Variants in CC2D2B observed in about 807,000 individuals in gnomAD.
The protein encoded by CC2D2B is protein CC2D2B.
Under a neutral mutation model 161.2 loss-of-function variants are expected in CC2D2B, and 128 were observed. That is an observed-to-expected ratio of 0.79 (90% CI 0.69 to 0.92). The LOEUF is 0.92. CC2D2B is among the 40% of genes least tolerant of loss of function. The pLI is 0.00. For synonymous variants in CC2D2B, 391 were observed against 449.8 expected, an observed-to-expected ratio of 0.87 and a Z score of 1.65; for missense variants, 1,173 against 1,375.1, an observed-to-expected ratio of 0.85 and a Z score of 2.32.
Position 96,019,263 on chromosome 10 carries a change from A to G in CC2D2B, c.3691A>G (p.Thr1231Ala). Residue 1231 changes from threonine (T) to alanine (A), a missense_variant, in exon 31 of 35, where the codon ACT becomes GCT. Around this residue, in one of 3 missense-constraint regions of CC2D2B, gnomAD observed 598 missense variants for 693.2 expected, o/e 0.86. Transcript: ENST00000646931. ...TGAATATTTGCTTTGGAATCCATCA[A>G]CTGGCCAATGTTATAAGCAGTTTGA... Reference protein sequence around the residue: ...TNEYLLWNPSTGQCYKQFDPF... With the variant: ...TNEYLLWNPSAGQCYKQFDPF... The G allele has an allele frequency of 6.2e-7, 1 of 1,613,186 alleles. No homozygotes were observed. The highest frequency in any genetic ancestry group is 1.1e-5 in the South Asian group (1 of 90,962).
chr10:95,943,458 CTT>C (rs2076091824), intron 9 of CC2D2B, among the ~76,000 whole-genome samples: 1 of 152,130 alleles, frequency 6.6e-6, no homozygotes, highest in Non-Finnish European at 1.5e-5. Context: ...TGCTCTGCCT[CTT>C]TTAATATAGG....
At chr10:96,006,296 A>G (rs1032626131) in intron 25 of CC2D2B, among the ~76,000 whole-genome samples, 1 of 149,350 alleles carries the variant, frequency 6.7e-6, no homozygotes, top group Non-Finnish European at 1.5e-5. Flanking sequence ...TATGTATTTT[A>G]TATTTAGTGA....
chr10:95,947,832 G>A (rs2076276315), intron 9 of CC2D2B, among the ~76,000 whole-genome samples: 1 of 152,012 alleles, frequency 6.6e-6, no homozygotes, highest in Admixed American at 6.6e-5. Flanking sequence ...AGAAATTTAA[G>A]GACAATCTGG....
chr10:95,917,316 C>T (rs1002506421), intron 2 of CC2D2B, among the ~76,000 whole-genome samples: 3 of 151,800 alleles, frequency 2.0e-5, no homozygotes, highest in Non-Finnish European at 4.4e-5. Context: ...TTTTTTTATC[C>T]GTTCAGCCAC....
chr10:95,941,437 C>T (rs1266279919), intron 9 of CC2D2B, among the ~76,000 whole-genome samples: 1 of 151,902 alleles, frequency 6.6e-6, no homozygotes, highest in African/African-American at 2.4e-5. Context: ...ATTTGCAAAC[C>T]ATATATCTGA....
chr10:96,011,741 G>A (rs28369148), intron 26 of CC2D2B, among the ~76,000 whole-genome samples: 20 of 127,218 alleles, frequency 1.6e-4, no homozygotes, highest in African/African-American at 2.8e-4. Context: ...TTACACACAC[G>A]CACACACACA....
chr10:95,927,418 G>A (rs1370905608), intron 6 of CC2D2B, 86 bp downstream of exon 6: 9 of 725,214 alleles, frequency 1.2e-5, no homozygotes, highest in East Asian at 5.5e-5. Context: ...ATACTTGGAC[G>A]GGAGATAAAG....
chr10:95,947,698 C>T (rs1053831144), intron 9 of CC2D2B, among the ~76,000 whole-genome samples: 12 of 151,686 alleles, frequency 7.9e-5, no homozygotes, highest in East Asian at 1.9e-4. Context: ...GCTGAGATCA[C>T]GCTACTGCAC....
chr10:96,002,514 T>C (rs988191351), intron 24 of CC2D2B, among the ~76,000 whole-genome samples: 1 of 152,184 alleles, frequency 6.6e-6, no homozygotes, highest in South Asian at 2.1e-4. Context: ...GTCAGGAATA[T>C]ACTAAGTTAA....
chr10:96,027,214 T>C lies in CC2D2B; in HGVS notation c.3950T>C (p.Ile1317Thr). ...TTACCTTTGGATTCTTACCTTAGGA[T>C]CGAAAGGACTCTGAAGAGTAAAGTG... is the stretch of plus-strand genomic sequence containing the variant. ...KSMVEDLRNR[I>T]ERTLKSKVME... The change falls in exon 34 of 35, where the codon ATC becomes ACC. Residue 1317 changes from isoleucine to threonine, a missense_variant and splice_region_variant. By Grantham distance (89) the Ile-to-Thr change is moderately conservative. Coordinates refer to ENST00000646931, the MANE Select transcript of CC2D2B (RefSeq NM_001349008.3). 1.3e-6 allele frequency: 2 copies of C among 1,523,624 alleles called. No homozygotes were observed. The highest frequency in any genetic ancestry group is 1.8e-6 in the Non-Finnish European group (2 of 1,132,800). The allele number at this position is 1,523,624 out of a possible 1,614,324, so 94.4% of individuals were successfully genotyped here.
At chr10:95,989,536 G>A (rs1000790593) in intron 20 of CC2D2B, among the ~76,000 whole-genome samples, 1 of 152,084 alleles carries the variant, frequency 6.6e-6, no homozygotes, top group Non-Finnish European at 1.5e-5. Context: ...TGTGGTCTCG[G>A]GAAATAAAGA....
intron 32 of CC2D2B, 150 bp from the exon 33 acceptor site, chr10:96,024,703 T>C: frequency 2.2e-6 from 1 of 455,704 alleles, no homozygotes; most frequent in Non-Finnish European, 4.1e-6. Flanking sequence ...TAAAAGAAAA[T>C]GCTGTGGTCT....
chr10:96,015,420 T>A (rs934078802), intron 29 of CC2D2B, among the ~76,000 whole-genome samples: 1 of 151,776 alleles, frequency 6.6e-6, no homozygotes, highest in Non-Finnish European at 1.5e-5. Flanking sequence ...AGCAACAGAT[T>A]GTTGCCATCT....
At chr10:95,951,262 A>T (rs1330600931) in intron 10 of CC2D2B, among the ~76,000 whole-genome samples, 1 of 151,776 alleles carries the variant, frequency 6.6e-6, no homozygotes, top group Non-Finnish European at 1.5e-5. Context: ...CTGTCCTCCC[A>T]CTTCAGCCTC....
intron 25 of CC2D2B, among the ~76,000 whole-genome samples, chr10:96,009,166 T>C (rs1167663772): frequency 1.3e-5 from 2 of 152,112 alleles, no homozygotes; most frequent in African/African-American, 4.8e-5. Context: ...TTAAGCTGTG[T>C]CTTTATATTT....
intron 32 of CC2D2B, chr10:96,020,655 A>G (rs2079412933): frequency 6.6e-6 from 1 of 152,282 alleles, no homozygotes; most frequent in African/African-American, 2.4e-5. Flanking sequence ...AAAGAACAAT[A>G]GAAAAATTAG....
At chr10:95,955,624 A>G (rs1224678416) in intron 11 of CC2D2B, 133 bp downstream of exon 11, 1 of 390,702 alleles carries the variant, frequency 2.6e-6, no homozygotes, top group Admixed American at 4.4e-5. Flanking sequence ...AATGGTTTCA[A>G]TCTTTTTTAA....
At chr10:95,975,146 A>C (rs1411304097) in intron 17 of CC2D2B, among the ~76,000 whole-genome samples, 1 of 152,218 alleles carries the variant, frequency 6.6e-6, no homozygotes, top group Non-Finnish European at 1.5e-5. Context: ...TTTGCTGCAA[A>C]TCTAAAACTT....
intron 11 of CC2D2B, among the ~76,000 whole-genome samples, chr10:95,957,755 T>C (rs1267378089): frequency 6.7e-6 from 1 of 149,968 alleles, no homozygotes. Context: ...GAGATGGGGG[T>C]TCACCATATT....
Sources: allele counts gnomAD v4.1 joint callset (sites outside exome capture counted in the v4.1 genomes callset), GRCh38; gene constraint gnomAD v4.1.1; regional missense constraint gnomAD v4.1.1; transcripts MANE v1.5; gene names NCBI Gene and HGNC (gene_info 2026-07-23, HGNC 2026-07-21).